Variants in BCAT1 observed in about 807,000 individuals in gnomAD.
BCAT1 encodes branched-chain-amino-acid aminotransferase, cytosolic.
In BCAT1, 48 loss-of-function variants were observed where a neutral mutation model predicts 52.4. The observed-to-expected ratio is 0.92, with a 90% confidence interval of 0.73 to 1.16. BCAT1 has a LOEUF of 1.16. Ranked by LOEUF, BCAT1 falls within the 50% of genes most tolerant of loss-of-function variation. The probability of loss-of-function intolerance (pLI) is 0.00; values close to 1 mark genes in which losing one functional copy is unlikely to be tolerated. For missense variants in BCAT1, 451 were observed against 457.1 expected, an observed-to-expected ratio of 0.99 and a Z score of 0.12; for synonymous variants, 167 against 161.3, an observed-to-expected ratio of 1.04 and a Z score of -0.27.
At chr12:24,907,524 T>A (rs1377019253) in intron 1 of BCAT1, among the ~76,000 whole-genome samples, 1 of 152,178 alleles carries the variant, frequency 6.6e-6, no homozygotes, top group Non-Finnish European at 1.5e-5. Context: ...ACTGATGACA[T>A]TCCACTGTTG....
At chr12:24,918,361 G>C (rs1943450665) in intron 1 of BCAT1, among the ~76,000 whole-genome samples, 1 of 152,142 alleles carries the variant, frequency 6.6e-6, no homozygotes, top group Non-Finnish European at 1.5e-5. Context: ...GGCTCATAGA[G>C]GACCCAACAA....
chr12:24,930,269 G>A (rs1415309050), intron 1 of BCAT1, among the ~76,000 whole-genome samples: 1 of 152,134 alleles, frequency 6.6e-6, no homozygotes, highest in Non-Finnish European at 1.5e-5. Context: ...CCCCAGCTCT[G>A]GCATTATTCC....
At chr12:24,934,170 C>A (rs1370565741) in intron 1 of BCAT1, among the ~76,000 whole-genome samples, 1 of 152,188 alleles carries the variant, frequency 6.6e-6, no homozygotes, top group African/African-American at 2.4e-5. Context: ...CACTATCTAC[C>A]TAAGTGATTT....
At chr12:24,916,109 A>G (rs1943402886) in intron 1 of BCAT1, among the ~76,000 whole-genome samples, 1 of 152,232 alleles carries the variant, frequency 6.6e-6, no homozygotes, top group African/African-American at 2.4e-5. Flanking sequence ...CAGTGAGCCA[A>G]GATCTCACCA....
chr12:24,897,578 G>A (rs913794072), intron 2 of BCAT1, among the ~76,000 whole-genome samples: 2 of 152,200 alleles, frequency 1.3e-5, no homozygotes, highest in Non-Finnish European at 2.9e-5. Flanking sequence ...CTTTTAGATG[G>A]AGTCTCACTC....
intron 3 of BCAT1, among the ~76,000 whole-genome samples, chr12:24,883,865 G>A (rs1173669796): frequency 6.6e-6 from 1 of 152,158 alleles, no homozygotes; most frequent in Non-Finnish European, 1.5e-5. Flanking sequence ...ACTCCTATGA[G>A]AACCTAATGC....
intron 5 of BCAT1, 146 bp from the exon 6 acceptor site, chr12:24,850,095 G>C: frequency 2.6e-6 from 2 of 770,038 alleles, no homozygotes; most frequent in Non-Finnish European, 3.8e-6. Context: ...GTTACACAAA[G>C]CCTAGTGGTT....
At position 24,836,930 on chromosome 12, in the gene BCAT1, GAAA is replaced by G. The variant is rs1266884014; in HGVS notation, c.818-337_818-335del. Among the ~76,000 whole-genome samples, 31 of 98,364 alleles carry G rather than the reference GAAA, an allele frequency of 3.2e-4. 2 individuals are homozygous for G. Among genetic ancestry groups the G allele is most frequent in the African/African-American group, 1.1e-3 (31 of 28,008 alleles). 64.5% of individuals were successfully genotyped at this position (98,364 alleles called of 152,430 possible). A position where few individuals can be genotyped will look rare whatever the true frequency, so the allele number is the denominator to read the frequency against. ...AGAGAGAAAGAAAGAAAGAAAGAAA[GAAA>G]GAAAGAAAGAAAGAAAGAAAGAAAA... is the stretch of plus-strand genomic sequence containing the variant. On this transcript the variant is annotated intron_variant, in intron 7 of 10. Transcript: ENST00000261192.
chr12:24,902,571 G>T, intron 1 of BCAT1: 1 of 466,498 alleles, frequency 2.1e-6, no homozygotes. Context: ...AATATTTTGG[G>T]GTGGCAGAGT....
At chr12:24,944,553 G>C (rs75138703) in intron 1 of BCAT1, among the ~76,000 whole-genome samples, 2 of 152,302 alleles carry the variant, frequency 1.3e-5, no homozygotes, top group African/African-American at 4.8e-5. Context: ...AATAGAATTT[G>C]ATCTGTAATC....
chr12:24,865,909 T>C (rs1370818699), intron 5 of BCAT1, among the ~76,000 whole-genome samples: 2 of 152,230 alleles, frequency 1.3e-5, no homozygotes, highest in Non-Finnish European at 1.5e-5. Context: ...GAGATGACAG[T>C]GCTGGCAGCC....
intron 5 of BCAT1, among the ~76,000 whole-genome samples, chr12:24,866,172 G>C (rs997301280): frequency 6.6e-6 from 1 of 152,194 alleles, no homozygotes; most frequent in Non-Finnish European, 1.5e-5. Flanking sequence ...CATTCGGAGC[G>C]ACCGGCTGGC....
At chr12:24,871,171 C>T (rs1243921734) in intron 5 of BCAT1, among the ~76,000 whole-genome samples, 5 of 152,166 alleles carry the variant, frequency 3.3e-5, no homozygotes, top group African/African-American at 4.8e-5. Flanking sequence ...AGGCCATTCC[C>T]GAAAAGTAGC....
At chr12:24,864,030 T>C (rs1941929825) in intron 5 of BCAT1, among the ~76,000 whole-genome samples, 1 of 152,236 alleles carries the variant, frequency 6.6e-6, no homozygotes, top group Non-Finnish European at 1.5e-5. Context: ...ATTGCTTTTA[T>C]TGGAACATGT....
intron 9 of BCAT1, among the ~76,000 whole-genome samples, chr12:24,831,314 T>A (rs565685864): frequency 6.6e-6 from 1 of 152,300 alleles, no homozygotes. Flanking sequence ...AGGCTTCCGG[T>A]GAACAGCAGG....
chr12:24,876,260 T>TAA lies in BCAT1; in HGVS notation c.510+2268_510+2269dup, dbSNP rs71448093. On this transcript the variant is annotated intron_variant, in intron 5 of 10. Transcript: ENST00000261192. ...GATCAAGAGGAAGAGGAGGGAGATGTAAAAAAAAAAAAAAAAAAGAAAGAA... is the reference window on the plus strand; with the variant it reads ...GATCAAGAGGAAGAGGAGGGAGATGTAAAAAAAAAAAAAAAAAAAAGAAAGAA... Among the ~76,000 whole-genome samples, 332 of 109,762 alleles carry TAA rather than the reference T, an allele frequency of 3.0e-3. 3 individuals carry two copies. Among genetic ancestry groups the TAA allele is most frequent in the Middle Eastern group, 0.016 (3 of 190 alleles). The allele number at this position is 109,762 out of a possible 152,430, so 72.0% of individuals were successfully genotyped here. A position where few individuals can be genotyped will look rare whatever the true frequency, so the allele number is the denominator to read the frequency against.
chr12:24,828,341 C>T (rs1940496054), intron 10 of BCAT1, among the ~76,000 whole-genome samples: 1 of 152,094 alleles, frequency 6.6e-6, no homozygotes, highest in South Asian at 2.1e-4. Flanking sequence ...TGGTATTTAG[C>T]ATGCCTGCTT....
intron 1 of BCAT1, among the ~76,000 whole-genome samples, chr12:24,912,591 G>C (rs192571980): frequency 2.0e-5 from 3 of 151,730 alleles, no homozygotes; most frequent in African/African-American, 7.3e-5. Context: ...GGGGCCGGGC[G>C]TGATGGCTTA....
intron 3 of BCAT1, 90 bp from the exon 4 acceptor site, chr12:24,881,501 A>C: frequency 2.6e-6 from 2 of 780,958 alleles, no homozygotes; most frequent in Non-Finnish European, 4.3e-6. Flanking sequence ...CGTTCATCTT[A>C]TTCATCCCAT....
Sources: gnomAD v4.1 joint callset for allele counts (sites outside exome capture counted in the v4.1 genomes callset) on GRCh38, gnomAD v4.1.1 for gene constraint, MANE v1.5 for transcripts, NCBI Gene and HGNC (gene_info 2026-07-23, HGNC 2026-07-21) for gene names.